The following HMOX2 variants were observed in gnomAD, a reference collection of about 807,000 sequenced individuals.
The protein encoded by HMOX2 is heme oxygenase 2, also known as heme oxygenase (decycling) 2.
A neutral mutation model predicts 33.7 loss-of-function variants in HMOX2; 30 were observed. The ratio of observed to expected loss-of-function variants is 0.89; its 90% CI spans 0.67 to 1.21. The LOEUF is 1.21. Among genes scored for constraint, HMOX2 ranks in the 50% most tolerant of loss-of-function variants. The pLI is 0.00. For missense variants in HMOX2, 403 were observed against 399.1 expected (o/e 1.01, Z -0.08); for synonymous variants, 155 against 155.0 (o/e 1.00, Z 0.00).
intron 1 of HMOX2, among the ~76,000 whole-genome samples, chr16:4,485,262 G>C (rs1212594974): frequency 6.6e-6 from 1 of 152,120 alleles, no homozygotes; most frequent in African/African-American, 2.4e-5. Flanking sequence ...CACCATGTCA[G>C]GCCTTTTTCT....
chr16:4,503,418 C>G (rs775784902), intron 1 of HMOX2, among the ~76,000 whole-genome samples: 4 of 152,220 alleles, frequency 2.6e-5, no homozygotes, highest in Non-Finnish European at 5.9e-5. Context: ...CTTTCACATT[C>G]TTCTAGACTG....
chr16:4,485,545 C>G (rs982925597), intron 1 of HMOX2, among the ~76,000 whole-genome samples: 1 of 151,980 alleles, frequency 6.6e-6, no homozygotes, highest in African/African-American at 2.4e-5. Flanking sequence ...AATGGGAGAA[C>G]TTGTACTGAA....
intron 1 of HMOX2, among the ~76,000 whole-genome samples, chr16:4,503,599 A>T (rs1007827612): frequency 6.6e-6 from 1 of 152,218 alleles, no homozygotes; most frequent in Non-Finnish European, 1.5e-5. Flanking sequence ...ACATTCATTG[A>T]GTGCTTATCA....
rs1360557445 is a variant in HMOX2, at chr16:4,510,097, GGA to G, written c.*343_*344del. On this transcript the variant is annotated 3_prime_UTR_variant, in exon 6 of 6. Transcript: ENST00000570646. ...TACATGGGTGACTATCTCCCCTGTT[GGA>G]GGTGAGTGGCCTGTAAGTCCAAGCT... 3.5e-6 allele frequency: 1 copy of G among 286,484 alleles called. No individual in the cohort carries two copies. Among genetic ancestry groups the G allele is most frequent in the African/African-American group, 2.1e-5 (1 of 46,740 alleles). 17.7% of individuals were successfully genotyped at this position (286,484 alleles called of 1,614,324 possible).
At chr16:4,494,189 G>A (rs1331288701) in intron 1 of HMOX2, among the ~76,000 whole-genome samples, 1 of 151,984 alleles carries the variant, frequency 6.6e-6, no homozygotes, top group Admixed American at 6.6e-5. Flanking sequence ...GGTGGTGGGC[G>A]CCTGTAGTCT....
At chr16:4,485,347 T>C (rs2058141557) in intron 1 of HMOX2, among the ~76,000 whole-genome samples, 1 of 152,186 alleles carries the variant, frequency 6.6e-6, no homozygotes, top group Non-Finnish European at 1.5e-5. Flanking sequence ...CTGTACTGTA[T>C]TGAGCTTCTA....
At chr16:4,475,009 T>G (rs1886644891), upstream of HMOX2, 1 of 152,168 alleles carries the variant, frequency 6.6e-6, no homozygotes, top group South Asian at 2.1e-4. Flanking sequence ...TGGTGTGCAG[T>G]GGCGCGATCT....
chr16:4,474,826 G>A (rs897454000), upstream of HMOX2: 4 of 152,274 alleles, frequency 2.6e-5, no homozygotes, highest in African/African-American at 9.7e-5. Context: ...TCTTTATCTT[G>A]CATGAACATC....
chr16:4,485,898 A>C (rs1167095603), intron 1 of HMOX2, among the ~76,000 whole-genome samples: 1 of 151,856 alleles, frequency 6.6e-6, no homozygotes, highest in Non-Finnish European at 1.5e-5. Context: ...TAATTTTTGC[A>C]TTTTTAGTAG....
chr16:4,490,837 A>G (rs964504681), intron 1 of HMOX2, among the ~76,000 whole-genome samples: 1 of 152,154 alleles, frequency 6.6e-6, no homozygotes, highest in Admixed American at 6.5e-5. Flanking sequence ...TTGAATGCAC[A>G]CTGCTTTTGT....
In HMOX2 at chr16:4,479,322, G is replaced by C. The variant is rs2057954357; in HGVS notation, c.-42+2835G>C. On this transcript the variant is annotated intron_variant, in intron 1 of 5. Coordinates refer to ENST00000570646, the MANE Select transcript of HMOX2 (RefSeq NM_002134.4). Reference sequence around the variant, plus strand: ...AGGGGTTTCCAAACGCTTCTTTTTTGGTAAAATTGGGATTATGACTAGGAA... The same window carrying C: ...AGGGGTTTCCAAACGCTTCTTTTTTCGTAAAATTGGGATTATGACTAGGAA... 2.0e-5 allele frequency: 3 copies of C among 152,040 alleles called. No homozygotes were observed. In the South Asian group the frequency reaches 6.2e-4, roughly 32 times the overall value. 9.4% of individuals were successfully genotyped at this position (152,040 alleles called of 1,614,324 possible).
intron 5 of HMOX2, 35 bp downstream of exon 5, chr16:4,509,573 C>G: frequency 1.9e-6 from 3 of 1,614,046 alleles, no homozygotes; most frequent in Non-Finnish European, 2.5e-6. Flanking sequence ...CCTCCTGGGG[C>G]AGGTGTAGCA....
intron 1 of HMOX2, among the ~76,000 whole-genome samples, chr16:4,476,936 C>G (rs1029437508): frequency 1.3e-5 from 2 of 152,132 alleles, no homozygotes; most frequent in African/African-American, 4.8e-5. Flanking sequence ...GGGCTGTTGG[C>G]ATTGACCGGG....
chr16:4,485,692 G>C (rs1054309456), intron 1 of HMOX2, among the ~76,000 whole-genome samples: 1 of 152,006 alleles, frequency 6.6e-6, no homozygotes, highest in Non-Finnish European at 1.5e-5. Flanking sequence ...TTTTAGAACA[G>C]GGATTGATTT....
intron 1 of HMOX2, among the ~76,000 whole-genome samples, chr16:4,478,998 T>C (rs2057945712): frequency 6.6e-6 from 1 of 151,460 alleles, no homozygotes; most frequent in Non-Finnish European, 1.5e-5. Context: ...CTACTAAAAA[T>C]ACAAAAATTA....
chr16:4,491,821 C>G (rs957932658), intron 1 of HMOX2, among the ~76,000 whole-genome samples: 19 of 151,806 alleles, frequency 1.3e-4, no homozygotes, highest in South Asian at 8.3e-4. Flanking sequence ...GAAGCTAGGA[C>G]TATAGGCGCA....
At chr16:4,498,121 C>T (rs1300906512) in intron 1 of HMOX2, among the ~76,000 whole-genome samples, 5 of 145,410 alleles carry the variant, frequency 3.4e-5, no homozygotes, top group African/African-American at 1.0e-4. Flanking sequence ...GGCTGGAGCG[C>T]AGTGGCACTG....
intron 1 of HMOX2, among the ~76,000 whole-genome samples, chr16:4,494,331 GA>G (rs2058370648): frequency 6.7e-6 from 1 of 148,448 alleles, no homozygotes; most frequent in African/African-American, 2.5e-5. Flanking sequence ...AAAAAAAAAA[GA>G]AAACAAGGCT....
intron 1 of HMOX2, chr16:4,495,970 A>T (rs2058407948): frequency 6.6e-6 from 1 of 152,180 alleles, no homozygotes; most frequent in South Asian, 2.1e-4. Context: ...AGTCATCAAA[A>T]ATAGATCTCA....
Sources: allele counts gnomAD v4.1 joint callset (sites outside exome capture counted in the v4.1 genomes callset), GRCh38; gene constraint gnomAD v4.1.1; transcripts MANE v1.5; gene names NCBI Gene and HGNC (gene_info 2026-07-23, HGNC 2026-07-21).